ABL1: variants seen among roughly 807,000 people sequenced by gnomAD.
The protein encoded by ABL1 is ABL proto-oncogene 1, non-receptor tyrosine kinase.
A neutral mutation model predicts 94.7 loss-of-function variants in ABL1; 11 were observed. The observed-to-expected ratio is 0.12, with a 90% CI of 0.07 to 0.19. ABL1 has a LOEUF of 0.19. ABL1 is among the 10% of genes least tolerant of loss of function. The pLI, the probability that ABL1 is intolerant of heterozygous loss-of-function variation, is 1.00. For synonymous variants in ABL1, 656 were observed against 622.4 expected (o/e 1.05, Z -0.80); for missense variants, 1,082 against 1,489.4 (o/e 0.73, Z 4.50).
At chr9:130,769,327 G>GTTTTTTTTT (rs1234290296) in intron 1 of ABL1, among the ~76,000 whole-genome samples, 8 of 112,902 alleles carry the variant, frequency 7.1e-5, no homozygotes, top group African/African-American at 1.7e-4. Flanking sequence ...TATGGCCCTA[G>GTTTTTTTTT]TCTTTTTTTT....
intron 1 of ABL1, among the ~76,000 whole-genome samples, chr9:130,750,399 TCCTCCCTCCCTCCCTCCCTCCCTC>T (rs745426348): frequency 0.025 from 465 of 18,970 alleles, 6 homozygotes; most frequent in Non-Finnish European, 0.032. Flanking sequence ...CTCCTTCCCT[TCCTCCCTCCCTCCCTCCCTCCCTC>T]CCTCCCTCCC....
At chr9:130,842,083 AAG>A (rs1476769178) in intron 1 of ABL1, among the ~76,000 whole-genome samples, 1 of 145,478 alleles carries the variant, frequency 6.9e-6, no homozygotes, top group Non-Finnish European at 1.5e-5. Context: ...AAGGGAGACA[AAG>A]AGGAATAGGA....
In ABL1 at chr9:130,846,081, C is replaced by CTGTGTGTGTGTG. The variant is rs10554440; in HGVS notation, c.80-7966_80-7955dup. 4.2e-3 allele frequency among the ~76,000 whole-genome samples: 626 copies of CTGTGTGTGTGTG among 148,150 alleles called. 3 individuals carry two copies. Among genetic ancestry groups the CTGTGTGTGTGTG allele is most frequent in the Non-Finnish European group, 6.9e-3 (462 of 66,684 alleles). ...AGGCTGTGTTCAGTTAAACGTATGT[C>CTGTGTGTGTGTG]TGTGTGTGTGTGTGTGTGTGTGTGT... is the stretch of plus-strand genomic sequence containing the variant. On this transcript the variant is annotated intron_variant, in intron 1 of 10. Coordinates refer to ENST00000318560, the MANE Select transcript of ABL1 (RefSeq NM_005157.6).
In ABL1 at chr9:130,751,129, C is replaced by CTTTTTTTTTTTTTT. The variant is rs60206110; in HGVS notation, c.136+36691_136+36704dup. Among the ~76,000 whole-genome samples the CTTTTTTTTTTTTTT allele has an allele frequency of 2.4e-4, 14 of 57,486 alleles. 3 individuals are homozygous for CTTTTTTTTTTTTTT. Among genetic ancestry groups the CTTTTTTTTTTTTTT allele is most frequent in the African/African-American group, 8.7e-4 (11 of 12,602 alleles). 37.7% of individuals were successfully genotyped at this position (57,486 alleles called of 152,430 possible). On this transcript the variant is annotated intron_variant, in intron 1 of 10. Coordinates refer to the ABL1 transcript ENST00000372348. Reference sequence around the variant, plus strand: ...TTTGAAACTTGTTTTTTTTATTCAGCTTTTTTTTTTTTTTTTTTTTTTTTT... The same window carrying CTTTTTTTTTTTTTT: ...TTTGAAACTTGTTTTTTTTATTCAGCTTTTTTTTTTTTTTTTTTTTTTTTTTTTTTTTTTTTTTT...
chr9:130,857,860 T>C (rs1831000461), intron 3 of ABL1, among the ~76,000 whole-genome samples: 1 of 152,142 alleles, frequency 6.6e-6, no homozygotes, highest in South Asian at 2.1e-4. Context: ...CGTGGGCCTG[T>C]CAGCTTGCTT....
At chr9:130,769,327 G>GTTTTTTTT (rs1234290296) in intron 1 of ABL1, among the ~76,000 whole-genome samples, 4 of 112,908 alleles carry the variant, frequency 3.5e-5, no homozygotes, top group African/African-American at 1.4e-4. Context: ...TATGGCCCTA[G>GTTTTTTTT]TCTTTTTTTT....
intron 1 of ABL1, among the ~76,000 whole-genome samples, chr9:130,735,721 AG>A (rs1465545195): frequency 2.6e-5 from 4 of 150,958 alleles, no homozygotes; most frequent in Non-Finnish European, 5.9e-5. Flanking sequence ...GGACTTTTGG[AG>A]TGTTTCCAGT....
intron 3 of ABL1, among the ~76,000 whole-genome samples, chr9:130,859,013 A>G (rs973783610): frequency 6.6e-6 from 1 of 152,050 alleles, no homozygotes; most frequent in African/African-American, 2.4e-5. Flanking sequence ...AGCCGTTGCC[A>G]TTTCCTAGGA....
intron 1 of ABL1, among the ~76,000 whole-genome samples, chr9:130,827,488 G>T (rs1830440731): frequency 6.6e-6 from 1 of 152,148 alleles, no homozygotes; most frequent in South Asian, 2.1e-4. Context: ...ATCTCTCTAG[G>T]CATTAGAGGA....
chr9:130,871,440 A>G (rs1444495110), intron 4 of ABL1, among the ~76,000 whole-genome samples: 1 of 152,270 alleles, frequency 6.6e-6, no homozygotes, highest in East Asian at 1.9e-4. Context: ...TTTAGATACC[A>G]TGGACTTGTT....
At chr9:130,878,796 C>T (rs1831397429) in intron 8 of ABL1, among the ~76,000 whole-genome samples, 1 of 151,858 alleles carries the variant, frequency 6.6e-6, no homozygotes, top group Admixed American at 6.6e-5. Flanking sequence ...GATACCAAAC[C>T]TGGGTGTATT....
At chr9:130,713,903 A>G in exon 1 of ABL1, 1 of 232,514 alleles carries the variant, frequency 4.3e-6, no homozygotes, top group East Asian at 6.1e-5. Flanking sequence ...CCACAGGAAA[A>G]GTTCTGGAGG....
chr9:130,787,818 A>C (rs1418948591), intron 1 of ABL1, among the ~76,000 whole-genome samples: 1 of 152,206 alleles, frequency 6.6e-6, no homozygotes, highest in African/African-American at 2.4e-5. Context: ...TGGCAGCCTC[A>C]TCTTCCTCCT....
chr9:130,868,166 G>T (rs1408733164), intron 4 of ABL1, among the ~76,000 whole-genome samples: 1 of 152,052 alleles, frequency 6.6e-6, no homozygotes, highest in African/African-American at 2.4e-5. Flanking sequence ...CACCATGTTA[G>T]CCAGGATGGT....
Position 130,735,934 on chromosome 9 carries a change from CATATAT to C in ABL1, c.136+21502_136+21507del, listed in dbSNP as rs71389344. Among the ~76,000 whole-genome samples, 441 of 80,220 alleles carry C rather than the reference CATATAT, an allele frequency of 5.5e-3. 13 individuals are homozygous for C. Among genetic ancestry groups the C allele is most frequent in the African/African-American group, 0.023 (425 of 18,270 alleles). 52.6% of individuals were successfully genotyped at this position (80,220 alleles called of 152,430 possible). On this transcript the variant is annotated intron_variant, in intron 1 of 10. Coordinates refer to the ABL1 transcript ENST00000372348. ...ATATGTGTGTGTATGCATGTGTGTG[CATATAT>C]ATATATATATATATATATATATTTT...
intron 1 of ABL1, among the ~76,000 whole-genome samples, chr9:130,716,072 CTTT>C (rs71389339): frequency 8.6e-4 from 78 of 91,156 alleles, no homozygotes; most frequent in African/African-American, 2.5e-3. Flanking sequence ...GAAAAATGTC[CTTT>C]TTTTTTTTTT....
At position 130,878,558 on chromosome 9, in the gene ABL1, A is replaced by C; in HGVS notation, c.1414A>C (p.Met472Leu). 1 of 1,614,146 alleles carries C rather than the reference A, an allele frequency of 6.2e-7. No individual in the cohort carries two copies. ...CTGCCCAGAGAAGGTCTATGAACTC[A>C]TGCGAGCATGTAAGCCTTCCTCAGC... Reference protein sequence around the residue: ...EGCPEKVYELMRACWQWNPSD... With the variant: ...EGCPEKVYELLRACWQWNPSD... Residue 472 changes from methionine (M) to leucine (L), a missense_variant, in exon 8 of 11, where the codon ATG (methionine) becomes CTG (leucine). Coordinates refer to ENST00000318560, the MANE Select transcript of ABL1 (RefSeq NM_005157.6).
At chr9:130,841,102 C>T (rs577208670) in intron 1 of ABL1, among the ~76,000 whole-genome samples, 27 of 152,076 alleles carry the variant, frequency 1.8e-4, no homozygotes, top group Non-Finnish European at 3.7e-4. Flanking sequence ...AACATACTAA[C>T]GATAGCTGAT....
rs769742637 is a variant in ABL1 at position 130,714,331 on chromosome 9, G to C, written c.12G>C (p.Gln4His). The C allele has an allele frequency of 1.5e-5, 24 of 1,609,548 alleles. No homozygotes were observed. The highest frequency in any genetic ancestry group is 2.0e-5 in the Non-Finnish European group (23 of 1,177,490). ...CCTATTATTACTTTATGGGGCAGCA[G>C]CCTGGAAAAGTACTTGGGGACCAAA... The change falls in exon 1 of 11, where the codon CAG becomes CAC. Residue 4 changes from glutamine to histidine, a missense_variant. By Grantham distance (24) the Gln-to-His change is conservative. Coordinates refer to the ABL1 transcript ENST00000372348.
Sources: gnomAD v4.1 joint callset for allele counts (sites outside exome capture counted in the v4.1 genomes callset) on GRCh38, gnomAD v4.1.1 for gene constraint, MANE v1.5 for transcripts, NCBI Gene and HGNC (gene_info 2026-07-23, HGNC 2026-07-21) for gene names.